Variants in UMAD1 observed in about 807,000 individuals in gnomAD.
The protein encoded by UMAD1 is UBAP1-MVB12-associated (UMA)-domain containing protein 1.
Under a neutral mutation model 6.1 loss-of-function variants are expected in UMAD1, and 8 were observed. The observed-to-expected ratio is 1.30, with a 90% CI of 0.76 to 2.35. The LOEUF (loss-of-function observed/expected upper bound fraction) is 2.35, where lower values mean the gene tolerates loss of function less well. Among genes scored for constraint, UMAD1 ranks in the 30% most tolerant of loss-of-function variants. The probability of loss-of-function intolerance (pLI) is 0.00; values close to 1 mark genes in which losing one functional copy is unlikely to be tolerated. For synonymous variants in UMAD1, 56 were observed against 31.4 expected (o/e 1.78, Z -2.61); for missense variants, 130 against 78.4 (o/e 1.66, Z -2.49).
chr7:7,864,263 A>C (rs1038900448), intron 3 of UMAD1, among the ~76,000 whole-genome samples: 3 of 152,224 alleles, frequency 2.0e-5, no homozygotes, highest in African/African-American at 7.2e-5. Flanking sequence ...AAAATCACCA[A>C]ACTTCTAAAT....
In UMAD1 at chr7:7,645,103, A is replaced by G. The variant is rs116846896; in HGVS notation, c.-64+4282A>G. Among the ~76,000 whole-genome samples the G allele has an allele frequency of 9.9e-3, 1,513 of 152,220 alleles. 16 individuals carry two copies. The highest frequency in any genetic ancestry group is 0.016 in the Non-Finnish European group (1,109 of 68,008). On this transcript the variant is annotated intron_variant, in intron 1 of 3. Transcript: ENST00000682710. ...AAAGATTTTAACTGATTGTTTTGGTATATAGAAATGCCATTTTAAGAATTT... is the reference window on the plus strand; with the variant it reads ...AAAGATTTTAACTGATTGTTTTGGTGTATAGAAATGCCATTTTAAGAATTT...
intron 2 of UMAD1, among the ~76,000 whole-genome samples, chr7:7,691,851 A>G (rs929624161): frequency 6.6e-6 from 1 of 152,224 alleles, no homozygotes. Flanking sequence ...AACAAAAGTC[A>G]TGAAGATTTT....
intron 1 of UMAD1, among the ~76,000 whole-genome samples, chr7:7,646,981 G>A (rs1265283454): frequency 6.6e-6 from 1 of 152,120 alleles, no homozygotes. Context: ...CCCTCGCCAG[G>A]GACCCCACCC....
At chr7:7,719,029 A>G (rs527730617) in intron 2 of UMAD1, among the ~76,000 whole-genome samples, 21 of 152,162 alleles carry the variant, frequency 1.4e-4, no homozygotes, top group African/African-American at 4.8e-5. Flanking sequence ...TAAAAAACAT[A>G]TGAGTATTTT....
intron 3 of UMAD1, among the ~76,000 whole-genome samples, chr7:7,809,086 C>T (rs1252992783): frequency 6.6e-6 from 1 of 151,846 alleles, no homozygotes; most frequent in Non-Finnish European, 1.5e-5. Flanking sequence ...CCAATTTGTA[C>T]TAGCAAATTT....
At chr7:7,815,780 T>A (rs550972506) in intron 3 of UMAD1, among the ~76,000 whole-genome samples, 1 of 152,294 alleles carries the variant, frequency 6.6e-6, no homozygotes, top group East Asian at 1.9e-4. Context: ...CTTGGTACTT[T>A]GCTACTACCC....
intron 3 of UMAD1, among the ~76,000 whole-genome samples, chr7:7,817,173 T>C (rs774831977): frequency 6.6e-6 from 1 of 152,206 alleles, no homozygotes; most frequent in Admixed American, 6.5e-5. Flanking sequence ...ACTGAGCAAA[T>C]TCCTGTTCAT....
chr7:7,690,167 G>A (rs867687853), intron 2 of UMAD1, among the ~76,000 whole-genome samples: 7 of 152,276 alleles, frequency 4.6e-5, no homozygotes, highest in Admixed American at 1.3e-4. Flanking sequence ...CAGCAATTCT[G>A]CTGATGATAA....
rs529435211 is a variant in UMAD1, at chr7:7,704,368, T to C, written c.82+30915T>C. Among the ~76,000 whole-genome samples the C allele has an allele frequency of 2.6e-5, 4 of 152,176 alleles. No individual in the cohort carries two copies. In the East Asian group the frequency reaches 5.8e-4, roughly 22 times the overall value. On this transcript the variant is annotated intron_variant, in intron 2 of 3. Transcript: ENST00000682710. The stretch of plus-strand genomic sequence containing the variant: ...TTCTAATATGAAAAATATTAACAGA[T>C]ATAACTGACGTAAGAGTCCTTTGGG...
intron 2 of UMAD1, among the ~76,000 whole-genome samples, chr7:7,724,208 C>T (rs1781099177): frequency 6.6e-6 from 1 of 152,166 alleles, no homozygotes; most frequent in Non-Finnish European, 1.5e-5. Flanking sequence ...ATTTCCCTTT[C>T]TCCAATGCAC....
intron 3 of UMAD1, among the ~76,000 whole-genome samples, chr7:7,872,830 CA>C (rs1454987647): frequency 2.0e-5 from 3 of 151,770 alleles, no homozygotes; most frequent in African/African-American, 7.3e-5. Context: ...TATACACAAC[CA>C]AAAAAGAAAA....
intron 2 of UMAD1, among the ~76,000 whole-genome samples, chr7:7,759,649 G>T (rs1466263961): frequency 6.6e-6 from 1 of 152,202 alleles, no homozygotes; most frequent in Non-Finnish European, 1.5e-5. Flanking sequence ...CTGACTGAAA[G>T]GATCTAGGAA....
chr7:7,720,306 C>A (rs1245888423), intron 2 of UMAD1, among the ~76,000 whole-genome samples: 1 of 152,126 alleles, frequency 6.6e-6, no homozygotes, highest in East Asian at 1.9e-4. Context: ...GCTGGTGGCA[C>A]TCACAGTTGG....
At chr7:7,832,211 T>A (rs1251456184) in intron 3 of UMAD1, among the ~76,000 whole-genome samples, 1 of 152,230 alleles carries the variant, frequency 6.6e-6, no homozygotes, top group Non-Finnish European at 1.5e-5. Flanking sequence ...CCATTGAGCC[T>A]ACAAGTCCTC....
At chr7:7,763,199 TGC>T (rs1781924435) in intron 2 of UMAD1, among the ~76,000 whole-genome samples, 4 of 152,258 alleles carry the variant, frequency 2.6e-5, no homozygotes, top group Non-Finnish European at 5.9e-5. Flanking sequence ...TTAATTGAAG[TGC>T]TTTTTATTTA....
intron 2 of UMAD1, among the ~76,000 whole-genome samples, chr7:7,770,245 T>G (rs1383420231): frequency 6.6e-6 from 1 of 152,130 alleles, no homozygotes; most frequent in Non-Finnish European, 1.5e-5. Flanking sequence ...CATTCATCCT[T>G]ACCGTCTTTC....
At chr7:7,767,044 A>C (rs1781998876) in intron 2 of UMAD1, among the ~76,000 whole-genome samples, 1 of 151,756 alleles carries the variant, frequency 6.6e-6, no homozygotes, top group Admixed American at 6.6e-5. Context: ...CCTTTCACCC[A>C]AAAAAAAGAT....
At chr7:7,750,146 T>C (rs2115217996) in intron 2 of UMAD1, among the ~76,000 whole-genome samples, 1 of 152,348 alleles carries the variant, frequency 6.6e-6, no homozygotes, top group South Asian at 2.1e-4. Flanking sequence ...TTCTACTACA[T>C]ATTAGCTCTT....
intron 1 of UMAD1, among the ~76,000 whole-genome samples, chr7:7,651,957 C>T (rs780114812): frequency 6.6e-6 from 1 of 152,132 alleles, no homozygotes; most frequent in African/African-American, 2.4e-5. Flanking sequence ...CCTCCTGACT[C>T]CTCCCTCTCT....
Sources: gnomAD v4.1 joint callset for allele counts (sites outside exome capture counted in the v4.1 genomes callset) on GRCh38, gnomAD v4.1.1 for gene constraint, MANE v1.5 for transcripts, NCBI Gene and HGNC (gene_info 2026-07-23, HGNC 2026-07-21) for gene names.